ZNF184: variants seen among roughly 807,000 people sequenced by gnomAD.
ZNF184 encodes the protein zinc finger protein 184 (Kruppel-like).
Under a neutral mutation model 54.4 loss-of-function variants are expected in ZNF184, and 16 were observed. The ratio of observed to expected loss-of-function variants is 0.29; its 90% CI spans 0.20 to 0.45. ZNF184 has a LOEUF of 0.45. Ranked by LOEUF, ZNF184 falls within the 20% of genes least tolerant of loss-of-function variation. ZNF184 has a pLI of 1.00. For missense variants in ZNF184, 681 were observed against 888.2 expected (o/e 0.77, Z 2.97); for synonymous variants, 254 against 295.3 (o/e 0.86, Z 1.43).
downstream of ZNF184, among the ~76,000 whole-genome samples, chr6:27,450,313 A>G (rs1762685633): frequency 6.6e-6 from 1 of 152,144 alleles, no homozygotes; most frequent in Non-Finnish European, 1.5e-5. Context: ...GTTCTCTCCA[A>G]ATTTCTATGT....
At chr6:27,427,396 G>T in the ZNF184 span, among the ~76,000 whole-genome samples, 1 of 152,180 alleles carries the variant, frequency 6.6e-6, no homozygotes, top group African/African-American at 2.4e-5. Context: ...TTCTAACTCA[G>T]TAGCATGCTA....
At chr6:27,412,014 C>A in the ZNF184 span, among the ~76,000 whole-genome samples, 24 of 152,144 alleles carry the variant, frequency 1.6e-4, no homozygotes, top group African/African-American at 5.3e-4. Flanking sequence ...CGTCACGCCC[C>A]CAGTAGGCTG....
chr6:27,423,598 CAAAT>C, the ZNF184 span, among the ~76,000 whole-genome samples: 1 of 151,124 alleles, frequency 6.6e-6, no homozygotes, highest in Admixed American at 6.7e-5. Context: ...GCAATACGCA[CAAAT>C]ACACACCCTG....
chr6:27,407,584 C>G, the ZNF184 span: 1 of 509,776 alleles, frequency 2.0e-6, no homozygotes. Flanking sequence ...AATAGTGGCT[C>G]AGAGCCAAGT....
chr6:27,404,638 A>G, the ZNF184 span: 1 of 152,248 alleles, frequency 6.6e-6, no homozygotes, highest in African/African-American at 2.4e-5. Flanking sequence ...GAAAATGCCT[A>G]TTAACTAGTG....
chr6:27,434,907 A>C, the ZNF184 span, among the ~76,000 whole-genome samples: 5 of 152,194 alleles, frequency 3.3e-5, no homozygotes, highest in African/African-American at 1.2e-4. Flanking sequence ...TTTGTTGAAT[A>C]GACTGTCCTC....
the ZNF184 span, among the ~76,000 whole-genome samples, chr6:27,442,838 GAA>G: frequency 3.0e-3 from 155 of 51,916 alleles, 12 homozygotes; most frequent in African/African-American, 0.012. Flanking sequence ...AAGAAAGAAA[GAA>G]AGAAAGAAAG....
At chr6:27,468,036 T>C (rs189471391) in intron 2 of ZNF184, 116 bp from the exon 3 acceptor site, 9 of 887,452 alleles carry the variant, frequency 1.0e-5, no homozygotes, top group South Asian at 2.2e-5. Context: ...ATTTCCTTTA[T>C]ATTTTAGAAT....
the ZNF184 span, among the ~76,000 whole-genome samples, chr6:27,423,884 T>G: frequency 1.3e-5 from 2 of 152,250 alleles, no homozygotes; most frequent in Admixed American, 1.3e-4. Context: ...TATCAGCATT[T>G]CTTTGCAGGC....
chr6:27,467,790 A>C, intron 3 of ZNF184, 63 bp downstream of exon 3: 2 of 1,505,704 alleles, frequency 1.3e-6, no homozygotes, highest in South Asian at 2.4e-5. Flanking sequence ...AAAACAAAAC[A>C]AAACAAAAAA....
intron 4 of ZNF184, 91 bp from the exon 5 acceptor site, chr6:27,457,012 A>G (rs1762872743): frequency 8.1e-7 from 1 of 1,242,118 alleles, no homozygotes; most frequent in African/African-American, 1.5e-5. Context: ...AGAAGAAATG[A>G]TATGTAGTAA....
In ZNF184 at chr6:27,452,124, A is replaced by G; in HGVS notation, c.1435T>C (p.Cys479Arg). The G allele has an allele frequency of 6.2e-7, 1 of 1,614,106 alleles. No individual in the cohort carries two copies. Among genetic ancestry groups the G allele is most frequent in the Admixed American group, 1.7e-5 (1 of 60,026 alleles). The change falls in exon 6 of 6, where the codon TGT (cysteine) becomes CGT (arginine). Residue 479 changes from cysteine to arginine, a missense_variant. Physicochemically the swap from Cys to Arg is radical, Grantham distance 180 (BLOSUM62 -3). Transcript: ENST00000683788. This position sits in a 1 kb window ranked among gnomAD's most constrained non-coding sequence, Gnocchi z 5.5. ...GAGCAGTAACTGAAGGCCTTTCCAC[A>G]TTCATTGCATTTGTAAGGTTTTTCT... ...TGEKPYKCNE[C>R]GKAFSYCSSL...
chr6:27,472,646 G>A lies in ZNF184; in HGVS notation c.-140+83C>T, dbSNP rs1023833984. ...TTGGTGCCCACCCTAGAATCTGGCC[G>A]GGGCATCCACAGACCTGGTGTGTTC... On this transcript the variant is annotated intron_variant, in intron 1 of 5. Coordinates refer to ENST00000683788, the MANE Select transcript of ZNF184 (RefSeq NM_001318891.2). The surrounding 1 kb of genome is among the most constrained non-coding windows in gnomAD (Gnocchi z 4.8). 2 of 291,936 alleles carry A rather than the reference G, an allele frequency of 6.9e-6. No homozygotes were observed. Among genetic ancestry groups the A allele is most frequent in the East Asian group, 8.3e-5 (1 of 12,052 alleles). The allele number at this position is 291,936 out of a possible 1,614,324, so 18.1% of individuals were successfully genotyped here.
Position 27,452,718 on chromosome 6 carries a change from C to G in ZNF184, c.841G>C (p.Asp281His). ...IHTGDKPYKC[D>H]QCGKGFIEGP... ...TCAATGAAGCCTTTTCCACACTGATCACATTTATATGGTTTATCTCCAGTA... is the reference window on the plus strand; with the variant it reads ...TCAATGAAGCCTTTTCCACACTGATGACATTTATATGGTTTATCTCCAGTA... The change falls in exon 6 of 6, where the codon GAT becomes CAT. Residue 281 changes from aspartate (D) to histidine (H), a missense_variant. Physicochemically the swap from Asp to His is moderately conservative, Grantham distance 81 (BLOSUM62 -1). Coordinates refer to ENST00000683788, the MANE Select transcript of ZNF184 (RefSeq NM_001318891.2). This position sits in a 1 kb window ranked among gnomAD's most constrained non-coding sequence, Gnocchi z 5.5. 6.2e-7 allele frequency: 1 copy of G among 1,614,070 alleles called. No individual in the cohort carries two copies. Among genetic ancestry groups the G allele is most frequent in the Non-Finnish European group, 8.5e-7 (1 of 1,180,012 alleles).
the ZNF184 span, among the ~76,000 whole-genome samples, chr6:27,426,727 GT>G: frequency 2.0e-5 from 3 of 152,132 alleles, no homozygotes; most frequent in Non-Finnish European, 4.4e-5. This position sits in a 1 kb window ranked among gnomAD's most constrained non-coding sequence, Gnocchi z 4.2. Flanking sequence ...TCAGATTTCA[GT>G]TCCTTTGGAC....
the ZNF184 span, among the ~76,000 whole-genome samples, chr6:27,437,585 A>T: frequency 6.6e-6 from 1 of 152,232 alleles, no homozygotes; most frequent in Non-Finnish European, 1.5e-5. Flanking sequence ...CAGACTTCTG[A>T]CCTACAGAAC....
At chr6:27,444,448 A>G in the ZNF184 span, among the ~76,000 whole-genome samples, 4 of 152,068 alleles carry the variant, frequency 2.6e-5, no homozygotes, top group East Asian at 1.9e-4. Flanking sequence ...TTCAATCCCA[A>G]TAGGATTCAA....
chr6:27,455,544 C>CT (rs923788345), intron 5 of ZNF184, among the ~76,000 whole-genome samples: 8 of 150,656 alleles, frequency 5.3e-5, no homozygotes, highest in African/African-American at 9.8e-5. Flanking sequence ...AGTTCTTCTT[C>CT]TTTTTTTTAA....
At chr6:27,421,616 T>C in the ZNF184 span, among the ~76,000 whole-genome samples, 1 of 152,204 alleles carries the variant, frequency 6.6e-6, no homozygotes, top group Non-Finnish European at 1.5e-5. Context: ...CAAAGATATA[T>C]GTTAAATGAC....
Sources: gnomAD v4.1 joint callset for allele counts (sites outside exome capture counted in the v4.1 genomes callset) on GRCh38, gnomAD v4.1.1 for gene constraint, Gnocchi (gnomAD v3.1) non-coding constraint, MANE v1.5 for transcripts, NCBI Gene and HGNC (gene_info 2026-07-23, HGNC 2026-07-21) for gene names.